Variants in DNM1L observed in about 807,000 individuals in gnomAD.
DNM1L encodes the protein dynamin-1-like protein.
In DNM1L, 33 loss-of-function variants were observed where a neutral mutation model predicts 92.8. The observed-to-expected ratio is 0.36, with a 90% CI of 0.27 to 0.48. The LOEUF is 0.48. Ranked by LOEUF, DNM1L falls within the 20% of genes least tolerant of loss-of-function variation. The probability of loss-of-function intolerance (pLI) is 0.99; values close to 1 mark genes in which losing one functional copy is unlikely to be tolerated. For synonymous variants in DNM1L, 284 were observed against 305.0 expected, an observed-to-expected ratio of 0.93 and a Z score of 0.72; for missense variants, 485 against 888.8, an observed-to-expected ratio of 0.55 and a Z score of 5.78.
chr12:32,688,223 C>T (rs1329286324), intron 1 of DNM1L, among the ~76,000 whole-genome samples: 2 of 152,086 alleles, frequency 1.3e-5, no homozygotes, highest in Non-Finnish European at 2.9e-5. Context: ...CTGTGTGGGC[C>T]CCGTATGAAT....
intron 8 of DNM1L, among the ~76,000 whole-genome samples, chr12:32,721,350 T>C (rs1306332086): frequency 1.3e-5 from 2 of 152,182 alleles, no homozygotes; most frequent in Admixed American, 1.3e-4. Context: ...TAAAGACTGA[T>C]AGACTTGGAT....
intron 1 of DNM1L, among the ~76,000 whole-genome samples, chr12:32,691,414 T>G (rs563987588): frequency 6.6e-6 from 1 of 152,164 alleles, no homozygotes; most frequent in Non-Finnish European, 1.5e-5. Context: ...AATTTTTGTA[T>G]TTTTAGTAGA....
intron 2 of DNM1L, among the ~76,000 whole-genome samples, chr12:32,705,180 T>A (rs983109473): frequency 6.6e-6 from 1 of 151,990 alleles, no homozygotes; most frequent in Non-Finnish European, 1.5e-5. Context: ...TTTTTGTATT[T>A]TTAGTAGAGA....
chr12:32,718,594 G>C, intron 6 of DNM1L, 49 bp from the exon 7 acceptor site: 1 of 1,611,036 alleles, frequency 6.2e-7, no homozygotes, highest in South Asian at 1.1e-5. Flanking sequence ...GTATTTAATG[G>C]ATCATTTTCT....
chr12:32,701,516 C>T lies in DNM1L; in HGVS notation c.204C>T (p.Val68=), dbSNP rs1952699454. 1 of 1,613,714 alleles carries T rather than the reference C, an allele frequency of 6.2e-7. No individual in the cohort carries two copies. The part of the protein sequence containing the change: ...VTRRPLILQL[V]HVSQEDKRKT... ...GGAGACCTCTCATTCTGCAACTGGT[C>T]CATGTTTCACAAGAAGATAAACGGA... Residue 68 remains valine, a synonymous_variant, in exon 2 of 20, where the codon GTC becomes GTT. Transcript: ENST00000549701.
Position 32,679,380 on chromosome 12 carries a change from C to G in DNM1L, c.17C>G (p.Pro6Arg). The change falls in exon 1 of 20, where the codon CCT becomes CGT. Residue 6 changes from proline (P) to arginine (R), a missense_variant. This residue lies in a region of DNM1L where 19 missense variants were observed against 16.1 expected (regional missense o/e 1.18). Transcript: ENST00000549701. ...TTCAGAGTCATGGAGGCGCTAATTC[C>G]TGTCATAAACAAGCTCCAGGACGTC... MEALI[P>R]VINKLQDVFN... 6.2e-7 allele frequency: 1 copy of G among 1,613,714 alleles called. No individual in the cohort carries two copies. The highest frequency in any genetic ancestry group is 8.5e-7 in the Non-Finnish European group (1 of 1,179,790).
At chr12:32,717,348 TTATA>T (rs1470198702) in intron 6 of DNM1L, among the ~76,000 whole-genome samples, 2 of 64,874 alleles carry the variant, frequency 3.1e-5, no homozygotes, top group Admixed American at 2.3e-4. Context: ...ATACTATATA[TTATA>T]TATAGTATAT....
At chr12:32,701,754 G>A (rs966655781) in intron 2 of DNM1L, among the ~76,000 whole-genome samples, 192 bp downstream of exon 2, 1 of 151,654 alleles carries the variant, frequency 6.6e-6, no homozygotes, top group Non-Finnish European at 1.5e-5. Context: ...TGAGACGGAG[G>A]TCTTACTCTG....
intron 9 of DNM1L, chr12:32,726,554 A>G: frequency 8.4e-7 from 1 of 1,185,784 alleles, no homozygotes; most frequent in Non-Finnish European, 1.3e-6. Flanking sequence ...TTGGGATTGT[A>G]TGCTCACGTA....
At chr12:32,685,359 C>CT (rs71298052) in intron 1 of DNM1L, among the ~76,000 whole-genome samples, 38,126 of 124,220 alleles carry the variant, frequency 0.31, 7,711 homozygotes, top group East Asian at 0.63. Flanking sequence ...GTGGCTGCAC[C>CT]TTTTTTTTTT....
chr12:32,743,430 A>C lies in DNM1L; in HGVS notation c.*20A>C, dbSNP rs1565549428. ...TGGTGAAGAGAACTATGTAATACTGAGACTTTGTTGACTCAAAACTTGCTA... is the reference window on the plus strand; with the variant it reads ...TGGTGAAGAGAACTATGTAATACTGCGACTTTGTTGACTCAAAACTTGCTA... On this transcript the variant is annotated 3_prime_UTR_variant, in exon 20 of 20. Coordinates refer to ENST00000549701, the MANE Select transcript of DNM1L (RefSeq NM_012062.5). 1.2e-6 allele frequency: 2 copies of C among 1,612,956 alleles called. No homozygotes were observed. The highest frequency in any genetic ancestry group is 1.7e-4 in the Middle Eastern group (1 of 6,050).
In DNM1L at chr12:32,731,730, A is replaced by C; in HGVS notation, c.1357-124A>C. 4 of 985,562 alleles carry C rather than the reference A, an allele frequency of 4.1e-6. No individual in the cohort carries two copies. The highest frequency in any genetic ancestry group is 6.2e-6 in the Non-Finnish European group (4 of 642,594). The allele number at this position is 985,562 out of a possible 1,614,324, so 61.1% of individuals were successfully genotyped here. On this transcript the variant is annotated intron_variant, in intron 11 of 19. Transcript: ENST00000549701. The surrounding 1 kb of genome is among the most constrained non-coding windows in gnomAD (Gnocchi z 5.1). ...AAAAGAAAATGACTGTTAGCCTGGC[A>C]TGGTGGCTTCTACATGTAGTCTCAG...
chr12:32,732,034 C>T, intron 12 of DNM1L, 91 bp downstream of exon 12: 4 of 922,044 alleles, frequency 4.3e-6, no homozygotes, highest in Non-Finnish European at 7.1e-6. Context: ...TATATGGTTA[C>T]TTTAGAGTGT....
intron 7 of DNM1L, 142 bp downstream of exon 7, chr12:32,718,905 C>A (rs1370844221): frequency 2.5e-6 from 3 of 1,213,082 alleles, no homozygotes; most frequent in African/African-American, 3.0e-5. Context: ...TTATTATGAT[C>A]TTGGTATTGC....
chr12:32,743,064 T>C (rs891387150), intron 19 of DNM1L, among the ~76,000 whole-genome samples: 2 of 151,374 alleles, frequency 1.3e-5, no homozygotes, highest in Admixed American at 6.6e-5. Flanking sequence ...CCCAGCTAAT[T>C]TTTTGTATTT....
chr12:32,733,969 A>T (rs1954720558), intron 13 of DNM1L, among the ~76,000 whole-genome samples, 162 bp downstream of exon 13: 1 of 152,224 alleles, frequency 6.6e-6, no homozygotes, highest in Non-Finnish European at 1.5e-5. Flanking sequence ...TGTTTTCTTA[A>T]TTCTCAAAAC....
chr12:32,710,334 A>G (rs1490732464), intron 4 of DNM1L, among the ~76,000 whole-genome samples: 1 of 152,190 alleles, frequency 6.6e-6, no homozygotes, highest in Non-Finnish European at 1.5e-5. Context: ...TGAACTCGGA[A>G]CCTCATAAAT....
chr12:32,681,297 A>G (rs1951792926), intron 1 of DNM1L, among the ~76,000 whole-genome samples: 1 of 152,212 alleles, frequency 6.6e-6, no homozygotes, highest in Non-Finnish European at 1.5e-5. Context: ...TACAGAAGAA[A>G]TACAGAATAG....
chr12:32,737,785 G>A, intron 14 of DNM1L, 80 bp from the exon 15 acceptor site: 1 of 1,085,058 alleles, frequency 9.2e-7, no homozygotes. Context: ...TTACAGAAGG[G>A]AAAAATTCAT....
Sources: gnomAD v4.1 joint callset for allele counts (sites outside exome capture counted in the v4.1 genomes callset) on GRCh38, gnomAD v4.1.1 for gene constraint, gnomAD v4.1.1 regional missense constraint, Gnocchi (gnomAD v3.1) non-coding constraint, MANE v1.5 for transcripts, NCBI Gene and HGNC (gene_info 2026-07-23, HGNC 2026-07-21) for gene names.